The following VAMP7 variants were observed in gnomAD, a reference collection of about 807,000 sequenced individuals.
The protein encoded by VAMP7 is vesicle-associated membrane protein 7.
VAMP7 carries 14 observed loss-of-function variants against 29.6 expected under a neutral mutation model. The observed-to-expected ratio is 0.47, with a 90% CI of 0.31 to 0.74. VAMP7 has a LOEUF of 0.74. Among genes scored for constraint, VAMP7 ranks in the 30% least tolerant of loss-of-function variants. VAMP7 has a pLI of 0.05. For synonymous variants in VAMP7, 95 were observed against 88.1 expected (o/e 1.08, Z -0.44); for missense variants, 223 against 262.4 (o/e 0.85, Z 1.04).
chrX:155,909,532 C>G (rs1198755437), intron 5 of VAMP7, among the ~76,000 whole-genome samples: 1 of 151,920 alleles, frequency 6.6e-6, no homozygotes, highest in East Asian at 1.9e-4. Flanking sequence ...TTTAGTTTAC[C>G]CTTCTTTTCT....
At chrX:155,922,215 C>G (rs888097466) in intron 6 of VAMP7, among the ~76,000 whole-genome samples, 39 of 151,942 alleles carry the variant, frequency 2.6e-4, no homozygotes, top group African/African-American at 8.9e-4. Flanking sequence ...ACATTCCTGC[C>G]TTTTATTTTC....
intron 6 of VAMP7, among the ~76,000 whole-genome samples, chrX:155,921,741 G>GT (rs1296256835): frequency 6.6e-6 from 1 of 151,940 alleles, no homozygotes; most frequent in African/African-American, 2.4e-5. Context: ...ATTAAGTAGT[G>GT]TAAGTCTTCC....
Position 155,898,112 on chromosome X carries a change from G to T in VAMP7, c.205G>T (p.Asp69Tyr). The T allele has an allele frequency of 6.2e-7, 1 of 1,612,260 alleles. No homozygotes were observed. The highest frequency in any genetic ancestry group is 8.5e-7 in the Non-Finnish European group (1 of 1,179,120). Reference sequence around the variant, plus strand: ...GAGTTCTGTGTTGATCTCTTTTCAGGATTTTGAACGTTCCCGAGCCTTTAA... The same window carrying T: ...GAGTTCTGTGTTGATCTCTTTTCAGTATTTTGAACGTTCCCGAGCCTTTAA... ...RIVYLCITDD[D>Y]FERSRAFNFL... Residue 69 changes from aspartate to tyrosine, a missense_variant and splice_region_variant, in exon 4 of 8, where the codon GAT (aspartate) becomes TAT (tyrosine). Physicochemically the swap from Asp to Tyr is radical, Grantham distance 160 (BLOSUM62 -3). Coordinates refer to ENST00000286448, the MANE Select transcript of VAMP7 (RefSeq NM_005638.6).
chrX:155,921,069 C>T (rs1472484094), intron 6 of VAMP7, among the ~76,000 whole-genome samples: 2 of 152,116 alleles, frequency 1.3e-5, no homozygotes, highest in East Asian at 3.9e-4. Flanking sequence ...TTCTTTGATA[C>T]TTCCAGGCTG....
chrX:155,931,418 T>C (rs1208612857), intron 6 of VAMP7, among the ~76,000 whole-genome samples: 2 of 152,316 alleles, frequency 1.3e-5, no homozygotes, highest in Non-Finnish European at 2.9e-5. Flanking sequence ...TGGTGTGAGA[T>C]GGTATCTCAT....
chrX:155,905,217 A>G (rs2066130762), intron 5 of VAMP7, among the ~76,000 whole-genome samples: 2 of 151,678 alleles, frequency 1.3e-5, no homozygotes, highest in South Asian at 2.1e-4. Flanking sequence ...TATTTTCTTT[A>G]CCTTTGGAGA....
chrX:155,933,177 G>C (rs917519719), intron 6 of VAMP7, among the ~76,000 whole-genome samples: 1 of 152,130 alleles, frequency 6.6e-6, no homozygotes, highest in African/African-American at 2.4e-5. Context: ...TTTGTGTTGT[G>C]TCTCTGCCAG....
At chrX:155,936,053 C>T (rs2066648852) in intron 6 of VAMP7, among the ~76,000 whole-genome samples, 1 of 116,132 alleles carries the variant, frequency 8.6e-6, no homozygotes, top group African/African-American at 3.4e-5. Context: ...CTGATCGTTC[C>T]TCTGGAGGTT....
At chrX:155,893,804 A>G (rs2065953327) in intron 2 of VAMP7, among the ~76,000 whole-genome samples, 1 of 152,244 alleles carries the variant, frequency 6.6e-6, no homozygotes, top group Non-Finnish European at 1.5e-5. Context: ...ATGAATTTTG[A>G]AAGGACACAG....
chrX:155,889,663 C>G, intron 2 of VAMP7, 51 bp downstream of exon 2: 3 of 1,600,954 alleles, frequency 1.9e-6, no homozygotes, highest in Non-Finnish European at 2.6e-6. Context: ...AATTCTGTTA[C>G]TCTAATCAGA....
rs925146552 is a variant in VAMP7, at chrX:155,918,355, GA to G, written c.434-1449del. Among the ~76,000 whole-genome samples the G allele has an allele frequency of 1.1e-4, 16 of 150,998 alleles. 1 individual carries two copies. The highest frequency in any genetic ancestry group is 2.7e-4 in the African/African-American group (11 of 41,122). ...GGCATTCCAGGCGCCACTGGGGTATGAAAAAAAAACTCCTGCAGCTAGCTCG... is the reference window on the plus strand; with the variant it reads ...GGCATTCCAGGCGCCACTGGGGTATGAAAAAAAACTCCTGCAGCTAGCTCG... On this transcript the variant is annotated intron_variant, in intron 5 of 7. Transcript: ENST00000286448.
intron 7 of VAMP7, among the ~76,000 whole-genome samples, chrX:155,940,781 G>C (rs1445519159): frequency 6.6e-6 from 1 of 152,254 alleles, no homozygotes; most frequent in East Asian, 1.9e-4. Flanking sequence ...TGTGGCATGT[G>C]TATGTGTGAG....
At chrX:155,915,711 G>A (rs1322294191) in intron 5 of VAMP7, among the ~76,000 whole-genome samples, 1 of 152,124 alleles carries the variant, frequency 6.6e-6, no homozygotes, top group Admixed American at 6.5e-5. Flanking sequence ...TAATTTGATG[G>A]CACTGTGGTC....
intron 2 of VAMP7, among the ~76,000 whole-genome samples, chrX:155,894,260 C>T (rs2065958532): frequency 6.7e-6 from 1 of 149,380 alleles, no homozygotes; most frequent in Non-Finnish European, 1.5e-5. Context: ...GTCTGGTCCT[C>T]CTTTGAGTCA....
chrX:155,911,864 T>C (rs1211150807), intron 5 of VAMP7, among the ~76,000 whole-genome samples: 3 of 152,048 alleles, frequency 2.0e-5, no homozygotes, highest in Admixed American at 6.6e-5. Context: ...TTTGGTGGAG[T>C]CTTTGGGTCT....
At chrX:155,894,822 C>T (rs2065967031) in intron 2 of VAMP7, among the ~76,000 whole-genome samples, 1 of 151,910 alleles carries the variant, frequency 6.6e-6, no homozygotes, top group Admixed American at 6.6e-5. Flanking sequence ...TGCCATGTTG[C>T]CCAGGCTGGT....
rs1332207483 is a variant in VAMP7, at chrX:155,884,285, G to A, written c.-10+2837G>A. Among the ~76,000 whole-genome samples the A allele has an allele frequency of 5.3e-5, 8 of 151,712 alleles. No homozygotes were observed. In the East Asian group the frequency reaches 7.8e-4, roughly 15 times the overall value. ...TGGAATTACAGGCGTGCGCCACCAC[G>A]CCTGGCTAATTTTGTATTTTTAGTA... On this transcript the variant is annotated intron_variant, in intron 1 of 7. Transcript: ENST00000286448.
chrX:155,884,411 ACCACTGCGCC>A (rs2065842421), intron 1 of VAMP7, among the ~76,000 whole-genome samples: 1 of 152,298 alleles, frequency 6.6e-6, no homozygotes, highest in South Asian at 2.1e-4. Context: ...ACAGGCATGA[ACCACTGCGCC>A]CAGCCAAAAT....
intron 5 of VAMP7, among the ~76,000 whole-genome samples, chrX:155,909,331 T>C (rs1019843248): frequency 6.6e-6 from 1 of 152,196 alleles, no homozygotes; most frequent in African/African-American, 2.4e-5. Flanking sequence ...ATGTCTCCTC[T>C]TTCATTTCTG....
Sources: allele counts gnomAD v4.1 joint callset (sites outside exome capture counted in the v4.1 genomes callset), GRCh38; gene constraint gnomAD v4.1.1; transcripts MANE v1.5; gene names NCBI Gene and HGNC (gene_info 2026-07-23, HGNC 2026-07-21).